Variants in MCTP2 observed in about 807,000 individuals in gnomAD.
MCTP2 encodes the protein multiple C2 and transmembrane domain containing 2.
MCTP2 carries 132 observed loss-of-function variants against 111.6 expected under a neutral mutation model. That is an observed-to-expected ratio of 1.18 (90% CI 1.03 to 1.37). The LOEUF (loss-of-function observed/expected upper bound fraction) is 1.37, where lower values mean the gene tolerates loss of function less well. Ranked by LOEUF, MCTP2 falls within the 40% of genes most tolerant of loss-of-function variation. The probability of loss-of-function intolerance (pLI) is 0.00; values close to 1 mark genes in which losing one functional copy is unlikely to be tolerated. For synonymous variants in MCTP2, 395 were observed against 387.7 expected (o/e 1.02, Z -0.22); for missense variants, 1,183 against 1,067.9 (o/e 1.11, Z -1.50).
At chr15:94,314,016 T>TA (rs1386142654) in intron 2 of MCTP2, among the ~76,000 whole-genome samples, 1 of 152,214 alleles carries the variant, frequency 6.6e-6, no homozygotes, top group Admixed American at 6.5e-5. Context: ...ATTTGCATGC[T>TA]AAACATGTGG....
At chr15:94,427,959 T>A (rs762027232) in intron 17 of MCTP2, among the ~76,000 whole-genome samples, 2 of 152,222 alleles carry the variant, frequency 1.3e-5, no homozygotes, top group African/African-American at 2.4e-5. Flanking sequence ...TCGGAATTCT[T>A]CAGATCAAAC....
At chr15:94,437,610 T>A (rs1481439229) in intron 17 of MCTP2, among the ~76,000 whole-genome samples, 1 of 152,120 alleles carries the variant, frequency 6.6e-6, no homozygotes, top group East Asian at 1.9e-4. Context: ...TTTTCTGAGT[T>A]GTATAGAAAT....
At chr15:94,339,942 A>G (rs1049105705) in intron 5 of MCTP2, among the ~76,000 whole-genome samples, 1 of 152,210 alleles carries the variant, frequency 6.6e-6, no homozygotes, top group African/African-American at 2.4e-5. Flanking sequence ...TGTGCATAAC[A>G]TTTCAATGGA....
At position 94,434,333 on chromosome 15, in the gene MCTP2, C is replaced by T. The variant is rs183568058; in HGVS notation, c.2086-5843C>T. Among the ~76,000 whole-genome samples the T allele has an allele frequency of 4.3e-3, 651 of 152,148 alleles. 8 individuals carry two copies. The highest frequency in any genetic ancestry group is 4.7e-3 in the Non-Finnish European group (320 of 67,982). ...CTTCAAACAGACCTCCCACCTTGGC[C>T]TCACAAAGTGCTGAGATTACAGGGG... On this transcript the variant is annotated intron_variant, in intron 17 of 22. Transcript: ENST00000357742.
At chr15:94,285,148 A>C (rs1283466760) in intron 1 of MCTP2, among the ~76,000 whole-genome samples, 1 of 152,202 alleles carries the variant, frequency 6.6e-6, no homozygotes, top group Non-Finnish European at 1.5e-5. Context: ...ATAAACTTCC[A>C]AGAGTTCTCT....
intron 19 of MCTP2, among the ~76,000 whole-genome samples, chr15:94,445,493 A>T (rs745835667): frequency 4.6e-5 from 7 of 151,868 alleles, no homozygotes; most frequent in African/African-American, 1.7e-4. Flanking sequence ...ATCTCTTTTC[A>T]TTCTTCCTTC....
At chr15:94,448,970 G>A (rs1312581276) in intron 19 of MCTP2, among the ~76,000 whole-genome samples, 2 of 152,170 alleles carry the variant, frequency 1.3e-5, no homozygotes, top group Non-Finnish European at 2.9e-5. Flanking sequence ...GAACTGGGAG[G>A]CAGAGGTTGC....
chr15:94,429,037 T>C (rs1178041009), intron 17 of MCTP2, among the ~76,000 whole-genome samples: 1 of 152,224 alleles, frequency 6.6e-6, no homozygotes, highest in Non-Finnish European at 1.5e-5. Flanking sequence ...CTTGAACTTT[T>C]AATACTTCTT....
chr15:94,277,019 G>A (rs748754631), intron 1 of MCTP2, among the ~76,000 whole-genome samples: 5 of 150,140 alleles, frequency 3.3e-5, no homozygotes, highest in Non-Finnish European at 7.4e-5. Context: ...AAAATAATTT[G>A]CTTGTCTACA....
chr15:94,243,623 A>G (rs1161153676), intron 1 of MCTP2, among the ~76,000 whole-genome samples: 1 of 149,520 alleles, frequency 6.7e-6, no homozygotes, highest in African/African-American at 2.5e-5. Context: ...ATGTGTATAT[A>G]CGCATATGCG....
chr15:94,298,121 A>ATG, intron 1 of MCTP2, 80 bp from the exon 2 acceptor site: 1 of 559,652 alleles, frequency 1.8e-6, no homozygotes, highest in Non-Finnish European at 3.0e-6. Context: ...TCTCACTTTG[A>ATG]TGTGCCTTAC....
intron 17 of MCTP2, among the ~76,000 whole-genome samples, chr15:94,436,989 G>C (rs1279502918): frequency 6.6e-6 from 1 of 151,090 alleles, no homozygotes; most frequent in Admixed American, 6.6e-5. Context: ...TATAAAAAAA[G>C]AAACATTTGA....
intron 8 of MCTP2, among the ~76,000 whole-genome samples, chr15:94,348,045 C>T (rs1421342871): frequency 4.6e-5 from 7 of 152,128 alleles, no homozygotes; most frequent in Admixed American, 4.6e-4. Context: ...CATACTCTTA[C>T]GTAGCCTCTC....
chr15:94,264,877 G>C (rs550038398), intron 1 of MCTP2, among the ~76,000 whole-genome samples: 1 of 152,246 alleles, frequency 6.6e-6, no homozygotes, highest in Non-Finnish European at 1.5e-5. Context: ...AGGAGGTTTG[G>C]AAGATATAAA....
At chr15:94,423,227 A>T (rs1309760916) in intron 17 of MCTP2, among the ~76,000 whole-genome samples, 1 of 152,178 alleles carries the variant, frequency 6.6e-6, no homozygotes, top group Non-Finnish European at 1.5e-5. Flanking sequence ...TAAAAACATG[A>T]TGGCAGCCAT....
chr15:94,322,255 G>A (rs933319515), intron 4 of MCTP2, among the ~76,000 whole-genome samples: 24 of 151,876 alleles, frequency 1.6e-4, no homozygotes, highest in African/African-American at 5.6e-4. Flanking sequence ...TGGAGGAGCA[G>A]CAGCTTTAGG....
intron 1 of MCTP2, among the ~76,000 whole-genome samples, chr15:94,261,853 GT>G (rs1164920445): frequency 6.6e-6 from 1 of 152,134 alleles, no homozygotes; most frequent in Non-Finnish European, 1.5e-5. Context: ...GAACTGAAGT[GT>G]TTTTCATTGT....
chr15:94,472,505 G>C (rs1396185315), intron 21 of MCTP2, among the ~76,000 whole-genome samples: 4 of 152,164 alleles, frequency 2.6e-5, no homozygotes, highest in Non-Finnish European at 4.4e-5. Flanking sequence ...TATCCTCCAA[G>C]ATCTTGGCAG....
chr15:94,272,178 T>C (rs141832146), intron 1 of MCTP2, among the ~76,000 whole-genome samples: 63 of 152,342 alleles, frequency 4.1e-4, no homozygotes, highest in Middle Eastern at 6.8e-3. Context: ...GTGAATTGCC[T>C]TCTCTTATAT....
Sources: allele counts gnomAD v4.1 joint callset (sites outside exome capture counted in the v4.1 genomes callset), GRCh38; gene constraint gnomAD v4.1.1; transcripts MANE v1.5; gene names NCBI Gene and HGNC (gene_info 2026-07-23, HGNC 2026-07-21).